Variants in NOX4 observed in about 807,000 individuals in gnomAD.
NOX4 encodes NADPH oxidase 4, also known as kidney oxidase-1.
NOX4 carries 69 observed loss-of-function variants against 87.6 expected under a neutral mutation model. The ratio of observed to expected loss-of-function variants is 0.79; its 90% CI spans 0.65 to 0.96. NOX4 has a LOEUF of 0.96. NOX4 is among the 40% of genes least tolerant of loss of function. NOX4 has a pLI of 0.00. For missense variants in NOX4, 680 were observed against 681.5 expected, an observed-to-expected ratio of 1.00 and a Z score of 0.02; for synonymous variants, 275 against 238.2, an observed-to-expected ratio of 1.15 and a Z score of -1.42.
the NOX4 span, among the ~76,000 whole-genome samples, chr11:89,529,061 G>C: frequency 1.3e-5 from 2 of 152,014 alleles, no homozygotes; most frequent in Non-Finnish European, 2.9e-5. Context: ...TCCCCAGAAA[G>C]TGTAGAAAGA....
In NOX4 at chr11:89,402,515, T is replaced by A. The variant is rs200031769; in HGVS notation, c.657A>T (p.Leu219Phe). The change falls in exon 9 of 18, where the codon TTA becomes TTT. Residue 219 changes from leucine (L) to phenylalanine (F), a missense_variant. By Grantham distance (22) the Leu-to-Phe change is conservative. Coordinates refer to ENST00000263317, the MANE Select transcript of NOX4 (RefSeq NM_016931.5). ...TGATGCAGCCGGGAGGGTGGGTATC[T>A]AAATTAGTTTGATACTTCAGCAGCC... is the stretch of plus-strand genomic sequence containing the variant. ...SGGLLKYQTN[L>F]DTHPPGCISL... 2.5e-6 allele frequency: 4 copies of A among 1,610,300 alleles called. No individual in the cohort carries two copies. In the African/African-American group the frequency reaches 5.3e-5, roughly 22 times the overall value.
chr11:89,433,281 A>G (rs1319045304), intron 6 of NOX4, among the ~76,000 whole-genome samples: 1 of 152,092 alleles, frequency 6.6e-6, no homozygotes, highest in East Asian at 1.9e-4. Flanking sequence ...TAAAATCAGT[A>G]CAGTTTCAAA....
intron 2 of NOX4, among the ~76,000 whole-genome samples, chr11:89,474,576 T>C (rs905729547): frequency 2.6e-5 from 4 of 151,724 alleles, no homozygotes; most frequent in Non-Finnish European, 5.9e-5. Flanking sequence ...ATAAAATTAA[T>C]TAGCCTCACA....
chr11:89,442,363 A>T (rs1026602688), intron 5 of NOX4, among the ~76,000 whole-genome samples: 19 of 152,136 alleles, frequency 1.2e-4, no homozygotes, highest in African/African-American at 3.9e-4. Flanking sequence ...AAAACTAAAA[A>T]TGTACAACCT....
intron 3 of NOX4, 138 bp from the exon 4 acceptor site, chr11:89,449,662 T>C: frequency 1.7e-6 from 1 of 599,286 alleles, no homozygotes; most frequent in South Asian, 2.3e-5. Flanking sequence ...AGATGAATTA[T>C]GATCTATCTA....
chr11:89,504,178 A>G, the NOX4 span, among the ~76,000 whole-genome samples: 4 of 151,808 alleles, frequency 2.6e-5, no homozygotes, highest in Non-Finnish European at 5.9e-5. Context: ...AAATAGCATG[A>G]GCAAATTCAT....
At chr11:89,374,167 T>A (rs1939663836) in intron 11 of NOX4, among the ~76,000 whole-genome samples, 1 of 152,152 alleles carries the variant, frequency 6.6e-6, no homozygotes, top group South Asian at 2.1e-4. Context: ...AAATTTCTTC[T>A]TGTTTTCTGG....
At chr11:89,399,418 T>C (rs961415186) in intron 11 of NOX4, among the ~76,000 whole-genome samples, 2 of 125,830 alleles carry the variant, frequency 1.6e-5, no homozygotes, top group East Asian at 2.2e-4. Context: ...GAAAAGTAAA[T>C]ATTCAAGAAA....
chr11:89,418,290 C>A lies in NOX4; in HGVS notation c.629+3612G>T, dbSNP rs187240824. ...ACAGAGAAGTGTTGCCAAATGGGGG[C>A]CAGCATAACTTAGTGGTTAAGAATG... On this transcript the variant is annotated intron_variant, in intron 8 of 17. Transcript: ENST00000263317. 1.0e-3 allele frequency among the ~76,000 whole-genome samples: 153 copies of A among 151,502 alleles called. 3 individuals are homozygous for A. The East Asian group carries it at 0.025, about 25-fold the overall frequency.
In NOX4 at chr11:89,449,329, G is replaced by A. The variant is rs1320911991; in HGVS notation, c.349+111C>T. 4 of 713,094 alleles carry A rather than the reference G, an allele frequency of 5.6e-6. No individual in the cohort carries two copies. The East Asian group carries it at 1.1e-4, about 20-fold the overall frequency. The allele number at this position is 713,094 out of a possible 1,614,324, so 44.2% of individuals were successfully genotyped here. ...CCAAATTGTCATCAGTGGTTGTTCT[G>A]GAAGAATAAGATTAGGGAAAACTTT... On this transcript the variant is annotated intron_variant, in intron 4 of 17. Coordinates refer to ENST00000263317, the MANE Select transcript of NOX4 (RefSeq NM_016931.5).
At chr11:89,447,810 C>T (rs1944773818) in intron 4 of NOX4, among the ~76,000 whole-genome samples, 1 of 152,130 alleles carries the variant, frequency 6.6e-6, no homozygotes, top group South Asian at 2.1e-4. Context: ...CCTTACTACA[C>T]CCTTGGTCCT....
intron 1 of NOX4, among the ~76,000 whole-genome samples, chr11:89,497,527 A>T (rs1946971038): frequency 6.6e-6 from 1 of 152,234 alleles, no homozygotes; most frequent in Admixed American, 6.5e-5. Context: ...TTTGGAAAGC[A>T]TCATAACTTT....
intron 9 of NOX4, among the ~76,000 whole-genome samples, chr11:89,401,920 C>G (rs181299786): frequency 6.6e-6 from 1 of 151,858 alleles, no homozygotes; most frequent in Admixed American, 6.6e-5. Flanking sequence ...ATTGATTTTG[C>G]TATTTACTAT....
intron 13 of NOX4, among the ~76,000 whole-genome samples, chr11:89,350,112 A>G (rs1946393688): frequency 6.6e-6 from 1 of 152,112 alleles, no homozygotes; most frequent in Non-Finnish European, 1.5e-5. Flanking sequence ...ATGTTCTGAG[A>G]ATTTTCATGG....
At chr11:89,346,829 G>T (rs1946234981) in intron 13 of NOX4, among the ~76,000 whole-genome samples, 1 of 152,162 alleles carries the variant, frequency 6.6e-6, no homozygotes, top group Non-Finnish European at 1.5e-5. Flanking sequence ...TACAATTTAA[G>T]CAGTGCCTCA....
chr11:89,513,091 C>A, the NOX4 span, among the ~76,000 whole-genome samples: 4 of 152,104 alleles, frequency 2.6e-5, no homozygotes, highest in South Asian at 2.1e-4. Flanking sequence ...GAGGCTGAGG[C>A]GGGCAGATGA....
the NOX4 span, among the ~76,000 whole-genome samples, chr11:89,533,251 G>A: frequency 6.6e-6 from 1 of 151,992 alleles, no homozygotes; most frequent in Non-Finnish European, 1.5e-5. Context: ...ACATGCTCAT[G>A]CACTTGAATT....
chr11:89,451,368 T>C (rs986546421), intron 3 of NOX4, among the ~76,000 whole-genome samples: 6 of 152,058 alleles, frequency 3.9e-5, no homozygotes, highest in Non-Finnish European at 8.8e-5. Context: ...TAAGTGAAAA[T>C]ACAGAATCTC....
At chr11:89,326,989 T>C (rs1371720840) in intron 17 of NOX4, 113 bp from the exon 18 acceptor site, 1 of 962,578 alleles carries the variant, frequency 1.0e-6, no homozygotes, top group Non-Finnish European at 1.5e-6. Context: ...TTTCTTGCTA[T>C]TTTACATATT....
Sources: gnomAD v4.1 joint callset for allele counts (sites outside exome capture counted in the v4.1 genomes callset) on GRCh38, gnomAD v4.1.1 for gene constraint, MANE v1.5 for transcripts, NCBI Gene and HGNC (gene_info 2026-07-23, HGNC 2026-07-21) for gene names.